CIMIP2A: variants seen among roughly 807,000 people sequenced by gnomAD.
CIMIP2A encodes ciliary microtubule inner protein 2A, also known as family with sequence similarity 166 member A.
the CIMIP2A span, chr9:137,244,987 G>A: frequency 6.2e-7 from 1 of 1,607,486 alleles, no homozygotes; most frequent in African/African-American, 1.3e-5. Context: ...TTCTGGAGCA[G>A]GAAAAGTGGG....
chr9:137,247,569 C>G, the CIMIP2A span: 27 of 1,219,198 alleles, frequency 2.2e-5, no homozygotes, highest in African/African-American at 3.7e-4. Context: ...GCTCTGGGCC[C>G]CTCACAGCTG....
At chr9:137,251,628 A>T in the CIMIP2A span, 1 of 1,319,086 alleles carries the variant, frequency 7.6e-7, no homozygotes, top group Non-Finnish European at 1.0e-6. Context: ...GCTGTGGGGC[A>T]CGTGGCTGGG....
chr9:137,252,596 A>AG, the CIMIP2A span: 20 of 1,052,624 alleles, frequency 1.9e-5, no homozygotes, highest in East Asian at 8.7e-5. Context: ...GTGGGGCCAA[A>AG]GGGGGGCTGG....
the CIMIP2A span, among the ~76,000 whole-genome samples, chr9:137,248,923 C>CA: frequency 6.6e-6 from 1 of 151,870 alleles, no homozygotes; most frequent in African/African-American, 2.4e-5. Context: ...AAAAAGTTTG[C>CA]AGTAAGTGCT....
the CIMIP2A span, chr9:137,251,645 C>T: frequency 6.4e-4 from 919 of 1,444,930 alleles, 7 homozygotes; most frequent in African/African-American, 0.012. Flanking sequence ...TGGGAGCAGC[C>T]GGGGGCTGAG....
At chr9:137,252,448 C>G in the CIMIP2A span, 4 of 1,610,724 alleles carry the variant, frequency 2.5e-6, no homozygotes, top group Non-Finnish European at 3.4e-6. Context: ...GGGCGGTGGC[C>G]GCAGGGCATG....
the CIMIP2A span, chr9:137,245,290 G>T: frequency 6.3e-7 from 1 of 1,581,328 alleles, no homozygotes; most frequent in Non-Finnish European, 8.6e-7. Context: ...CTTGGCACTG[G>T]TGCATCCCCT....
At chr9:137,249,678 G>A in the CIMIP2A span, among the ~76,000 whole-genome samples, 2 of 152,226 alleles carry the variant, frequency 1.3e-5, no homozygotes, top group African/African-American at 2.4e-5. Context: ...AAAATCCCAA[G>A]AGGACTGAGG....
At chr9:137,251,751 G>A in the CIMIP2A span, 27 of 1,572,712 alleles carry the variant, frequency 1.7e-5, no homozygotes, top group East Asian at 5.4e-4. Context: ...CAAGGCATCT[G>A]TGCTGTTGTT....
At chr9:137,253,684 C>A in the CIMIP2A span, among the ~76,000 whole-genome samples, 3 of 152,208 alleles carry the variant, frequency 2.0e-5, no homozygotes, top group South Asian at 2.1e-4. Flanking sequence ...CTGTGGGACA[C>A]CCCCACCCAG....
chr9:137,245,656 T>G, the CIMIP2A span: 1 of 1,606,990 alleles, frequency 6.2e-7, no homozygotes. Context: ...GTGGGGGATG[T>G]AGGGCTCCGT....
the CIMIP2A span, chr9:137,252,254 T>G: frequency 7.0e-7 from 1 of 1,420,340 alleles, no homozygotes; most frequent in Admixed American, 2.1e-5. Context: ...TTCCCTGCGT[T>G]CACCTCTAGG....
the CIMIP2A span, among the ~76,000 whole-genome samples, chr9:137,248,978 G>T: frequency 2.0e-5 from 3 of 150,762 alleles, no homozygotes; most frequent in African/African-American, 7.3e-5. Context: ...ACAAAACAAA[G>T]ATATAAACAA....
chr9:137,243,931 C>T, the CIMIP2A span: 2 of 1,024,466 alleles, frequency 2.0e-6, no homozygotes, highest in South Asian at 1.4e-5. Flanking sequence ...GAAGGCAGGC[C>T]TGTCCTGTTC....
chr9:137,249,666 G>A, the CIMIP2A span, among the ~76,000 whole-genome samples: 5 of 152,204 alleles, frequency 3.3e-5, no homozygotes, highest in Non-Finnish European at 7.3e-5. Flanking sequence ...GGAAGCTTCC[G>A]TAAAATCCCA....
the CIMIP2A span, chr9:137,247,633 G>A: frequency 6.2e-7 from 1 of 1,609,296 alleles, no homozygotes. Flanking sequence ...CCTGGCCCCA[G>A]CCACCTCCAG....
At chr9:137,251,717 G>A in the CIMIP2A span, 4 of 1,554,238 alleles carry the variant, frequency 2.6e-6, no homozygotes, top group Admixed American at 1.9e-5. Flanking sequence ...CTGAGACAGT[G>A]GCTGCTGGTC....
the CIMIP2A span, chr9:137,244,319 C>T: frequency 6.8e-6 from 11 of 1,612,350 alleles, 1 homozygote; most frequent in South Asian, 6.6e-5. Context: ...TAACAAGCTC[C>T]CTCCCCGGCA....
chr9:137,244,793 C>A, the CIMIP2A span: 1 of 1,592,080 alleles, frequency 6.3e-7, no homozygotes, highest in Admixed American at 1.8e-5. Flanking sequence ...CCCCTGGGCA[C>A]ACCCACCTGC....
Sources: allele counts gnomAD v4.1 joint callset (sites outside exome capture counted in the v4.1 genomes callset), GRCh38; gene constraint gnomAD v4.1.1; transcripts MANE v1.5; gene names NCBI Gene and HGNC (gene_info 2026-07-23, HGNC 2026-07-21).